Variants in STAG1 observed in about 807,000 individuals in gnomAD.
STAG1 encodes the protein cohesin subunit SA-1.
A neutral mutation model predicts 170.9 loss-of-function variants in STAG1; 26 were observed. The ratio of observed to expected loss-of-function variants is 0.15; its 90% CI spans 0.11 to 0.21. The LOEUF (loss-of-function observed/expected upper bound fraction) is 0.21. Among genes scored for constraint, STAG1 ranks in the 10% least tolerant of loss-of-function variants. The pLI is 1.00. For missense variants in STAG1, 964 were observed against 1,509.5 expected (o/e 0.64, Z 5.99); for synonymous variants, 514 against 497.7 (o/e 1.03, Z -0.44).
chr3:136,742,352 T>A (rs1463535384), intron 1 of STAG1, among the ~76,000 whole-genome samples: 1 of 152,102 alleles, frequency 6.6e-6, no homozygotes, highest in Non-Finnish European at 1.5e-5. Context: ...ATCATAAAGA[T>A]ATGACTCAAA....
At chr3:136,368,233 T>C (rs1937155779) in intron 24 of STAG1, among the ~76,000 whole-genome samples, 2 of 152,190 alleles carry the variant, frequency 1.3e-5, no homozygotes, top group Admixed American at 1.3e-4. Context: ...CAAATAGACT[T>C]GTGGATCAAA....
chr3:136,502,856 T>C, intron 7 of STAG1, 77 bp from the exon 8 acceptor site: 2 of 1,176,712 alleles, frequency 1.7e-6, no homozygotes, highest in Non-Finnish European at 1.1e-6. Flanking sequence ...ATAAAGCCAA[T>C]GGATGAAGAA....
intron 13 of STAG1, among the ~76,000 whole-genome samples, chr3:136,461,948 C>T (rs1045212269): frequency 6.6e-6 from 1 of 152,004 alleles, no homozygotes; most frequent in Non-Finnish European, 1.5e-5. Context: ...ACAAAAAGTG[C>T]TCTCATTATT....
At chr3:136,394,817 G>C (rs1326004564) in intron 22 of STAG1, among the ~76,000 whole-genome samples, 2 of 151,964 alleles carry the variant, frequency 1.3e-5, no homozygotes, top group African/African-American at 2.4e-5. Flanking sequence ...GCCAGGCATG[G>C]TGGTAGGCAC....
At position 136,623,168 on chromosome 3, in the gene STAG1, C is replaced by G. The variant is rs147011909; in HGVS notation, c.110G>C (p.Arg37Thr). The G allele has an allele frequency of 6.2e-7, 1 of 1,613,584 alleles. No individual in the cohort carries two copies. Among genetic ancestry groups the G allele is most frequent in the Non-Finnish European group, 8.5e-7 (1 of 1,179,736 alleles). Residue 37 changes from arginine to threonine, a missense_variant, in exon 3 of 34, where the codon AGG becomes ACG. Transcript: ENST00000383202. The part of the protein sequence containing the change: ...EETEVKGKRK[R>T]GRPGRPPSTN... ...TACTGGAGGCCGGCCAGGACGACCC[C>G]TTTTTCTTTTTCCTTTGACCTCTGT...
At chr3:136,736,072 G>A (rs916138986) in intron 1 of STAG1, among the ~76,000 whole-genome samples, 1 of 152,234 alleles carries the variant, frequency 6.6e-6, no homozygotes, top group Admixed American at 6.5e-5. Context: ...CAACTGAAGC[G>A]AAGGGGCTTC....
chr3:136,403,818 T>C (rs1454942269), intron 21 of STAG1, among the ~76,000 whole-genome samples: 1 of 152,216 alleles, frequency 6.6e-6, no homozygotes, highest in East Asian at 1.9e-4. Context: ...ACAGAGACAC[T>C]TGGCCATCCC....
intron 6 of STAG1, among the ~76,000 whole-genome samples, chr3:136,539,475 T>C (rs1935791694): frequency 6.6e-6 from 1 of 152,172 alleles, no homozygotes; most frequent in African/African-American, 2.4e-5. Context: ...AGGCACTAAA[T>C]GAATATATTA....
chr3:136,459,305 G>C (rs1476876451), intron 13 of STAG1, among the ~76,000 whole-genome samples: 1 of 151,276 alleles, frequency 6.6e-6, no homozygotes, highest in Admixed American at 6.6e-5. Flanking sequence ...AATATGACAA[G>C]AGGATATAAC....
At chr3:136,623,893 T>C (rs1313996584) in intron 2 of STAG1, among the ~76,000 whole-genome samples, 1 of 151,950 alleles carries the variant, frequency 6.6e-6, no homozygotes, top group Non-Finnish European at 1.5e-5. Context: ...GAGGTTGCAG[T>C]GAGCCGAGAT....
At chr3:136,503,507 T>C (rs1008668654) in intron 7 of STAG1, among the ~76,000 whole-genome samples, 2 of 152,180 alleles carry the variant, frequency 1.3e-5, no homozygotes, top group Non-Finnish European at 2.9e-5. Context: ...CATATTTGTT[T>C]TCATCATTGA....
At chr3:136,619,563 C>A (rs1211749455) in intron 3 of STAG1, among the ~76,000 whole-genome samples, 1 of 151,592 alleles carries the variant, frequency 6.6e-6, no homozygotes, top group African/African-American at 2.4e-5. Flanking sequence ...TTCAAGCCAG[C>A]CTGGCCAACA....
chr3:136,689,475 C>G (rs1342925614), intron 1 of STAG1, among the ~76,000 whole-genome samples: 3 of 152,146 alleles, frequency 2.0e-5, no homozygotes, highest in Admixed American at 2.0e-4. Flanking sequence ...AAATTATATA[C>G]TATAGTTAAC....
chr3:136,567,977 C>A (rs748860145), intron 5 of STAG1, among the ~76,000 whole-genome samples: 4 of 151,932 alleles, frequency 2.6e-5, no homozygotes. Flanking sequence ...ACGGCAGAGA[C>A]TGCCTTGATA....
chr3:136,635,644 A>T (rs1195069170), intron 1 of STAG1, among the ~76,000 whole-genome samples: 1 of 152,202 alleles, frequency 6.6e-6, no homozygotes, highest in Non-Finnish European at 1.5e-5. Flanking sequence ...AATAAACAAA[A>T]GGTACATAGC....
At chr3:136,728,667 A>G (rs1389709662) in intron 1 of STAG1, among the ~76,000 whole-genome samples, 1 of 152,222 alleles carries the variant, frequency 6.6e-6, no homozygotes, top group Non-Finnish European at 1.5e-5. Flanking sequence ...TTACTATATT[A>G]CTTTCTCTTT....
At chr3:136,413,025 G>T (rs2087669878) in intron 21 of STAG1, among the ~76,000 whole-genome samples, 1 of 151,384 alleles carries the variant, frequency 6.6e-6, no homozygotes, top group Non-Finnish European at 1.5e-5. Context: ...ACCACACCTG[G>T]CTACTTTTTT....
At chr3:136,692,187 G>T (rs981385824) in intron 1 of STAG1, among the ~76,000 whole-genome samples, 2 of 151,504 alleles carry the variant, frequency 1.3e-5, no homozygotes, top group African/African-American at 4.9e-5. Context: ...GATGGCAGGT[G>T]CCTGTAATAC....
intron 1 of STAG1, among the ~76,000 whole-genome samples, chr3:136,710,654 C>T (rs921111262): frequency 2.0e-5 from 3 of 152,006 alleles, no homozygotes; most frequent in African/African-American, 4.8e-5. Flanking sequence ...AAGAAACTAC[C>T]TAACCCAAAA....
Sources: gnomAD v4.1 joint callset for allele counts (sites outside exome capture counted in the v4.1 genomes callset) on GRCh38, gnomAD v4.1.1 for gene constraint, MANE v1.5 for transcripts, NCBI Gene and HGNC (gene_info 2026-07-23, HGNC 2026-07-21) for gene names.